KCNH7: variants seen among roughly 807,000 people sequenced by gnomAD.
The protein encoded by KCNH7 is potassium voltage-gated channel subfamily H member 7.
A neutral mutation model predicts 120.8 loss-of-function variants in KCNH7; 49 were observed. The ratio of observed to expected loss-of-function variants is 0.41; its 90% CI spans 0.32 to 0.51. The LOEUF is 0.51. Among genes scored for constraint, KCNH7 ranks in the 20% least tolerant of loss-of-function variants. The probability of loss-of-function intolerance (pLI) is 0.38; values close to 1 mark genes in which losing one functional copy is unlikely to be tolerated. For missense variants in KCNH7, 1,097 were observed against 1,446.6 expected (o/e 0.76, Z 3.92); for synonymous variants, 547 against 516.1 (o/e 1.06, Z -0.81).
chr2:162,427,230 A>G (rs114200087), intron 8 of KCNH7, among the ~76,000 whole-genome samples: 2,006 of 152,114 alleles, frequency 0.013, 49 homozygotes, highest in African/African-American at 0.046. Flanking sequence ...TTTCCCTTTT[A>G]AACACCTAAG....
intron 7 of KCNH7, among the ~76,000 whole-genome samples, chr2:162,437,713 T>G (rs947904366): frequency 2.6e-5 from 4 of 152,156 alleles, no homozygotes; most frequent in Admixed American, 2.6e-4. Flanking sequence ...AGGAACTCTA[T>G]GTTTCTATTT....
intron 12 of KCNH7, among the ~76,000 whole-genome samples, chr2:162,389,712 AAT>A (rs761214248): frequency 3.3e-5 from 5 of 152,098 alleles, no homozygotes; most frequent in African/African-American, 7.2e-5. Flanking sequence ...CAATAAAACC[AAT>A]AGAGTAAAAA....
At chr2:162,776,566 A>G (rs1422826650) in intron 2 of KCNH7, among the ~76,000 whole-genome samples, 2 of 152,062 alleles carry the variant, frequency 1.3e-5, no homozygotes, top group African/African-American at 4.8e-5. Flanking sequence ...GAGAAAGGAG[A>G]AAGAGGAGCT....
chr2:162,492,854 T>C (rs1348558070), intron 6 of KCNH7, among the ~76,000 whole-genome samples: 1 of 144,540 alleles, frequency 6.9e-6, no homozygotes, highest in Non-Finnish European at 1.5e-5. Flanking sequence ...GTTTTTCTCT[T>C]CTTGGATCTT....
chr2:162,510,726 A>T (rs1202699705), intron 5 of KCNH7, among the ~76,000 whole-genome samples: 4 of 151,608 alleles, frequency 2.6e-5, no homozygotes, highest in Non-Finnish European at 4.4e-5. Context: ...TTAGTTTTTT[A>T]TTTAGATCTG....
intron 7 of KCNH7, among the ~76,000 whole-genome samples, chr2:162,439,537 G>C (rs1688356516): frequency 6.6e-6 from 1 of 152,052 alleles, no homozygotes; most frequent in Non-Finnish European, 1.5e-5. Context: ...TATTTATTGT[G>C]ATTGAATAAT....
At chr2:162,557,197 G>A (rs207462605) in intron 2 of KCNH7, among the ~76,000 whole-genome samples, 3 of 152,162 alleles carry the variant, frequency 2.0e-5, no homozygotes, top group Non-Finnish European at 4.4e-5. Context: ...ATGGCTGGCT[G>A]CCATAGCTGG....
At chr2:162,513,279 CTCCTTCCCTCCT>C (rs1691151365) in intron 4 of KCNH7, among the ~76,000 whole-genome samples, 1 of 131,656 alleles carries the variant, frequency 7.6e-6, no homozygotes, top group Non-Finnish European at 1.6e-5. Flanking sequence ...CCCTCCTTCC[CTCCTTCCCTCCT>C]TCCTTCCCTC....
At chr2:162,481,533 G>A (rs888455723) in intron 6 of KCNH7, among the ~76,000 whole-genome samples, 4 of 152,156 alleles carry the variant, frequency 2.6e-5, no homozygotes, top group African/African-American at 7.2e-5. Flanking sequence ...TATCTAAGAT[G>A]TTCTATCCAG....
chr2:162,385,574 T>C (rs1558919392), intron 12 of KCNH7, among the ~76,000 whole-genome samples: 1 of 151,948 alleles, frequency 6.6e-6, no homozygotes, highest in Non-Finnish European at 1.5e-5. Flanking sequence ...TTGGCTGTTT[T>C]ATACTGAAAT....
At chr2:162,702,128 T>C (rs903845430) in intron 2 of KCNH7, among the ~76,000 whole-genome samples, 2 of 152,166 alleles carry the variant, frequency 1.3e-5, no homozygotes, top group African/African-American at 4.8e-5. Context: ...TTTCAAAATA[T>C]TCGGTCCTTT....
intron 2 of KCNH7, among the ~76,000 whole-genome samples, chr2:162,822,139 TGCTAA>T: frequency 1.3e-5 from 1 of 79,330 alleles, no homozygotes; most frequent in East Asian, 3.8e-4. Flanking sequence ...CAAAAACCGC[TGCTAA>T]TTTCTTCTTT....
chr2:162,634,098 G>A (rs1683859168), intron 2 of KCNH7, among the ~76,000 whole-genome samples: 1 of 151,964 alleles, frequency 6.6e-6, no homozygotes, highest in Admixed American at 6.6e-5. Context: ...GATGTTTTCT[G>A]TTCATCATAT....
At chr2:162,531,995 T>C (rs1691940469) in intron 3 of KCNH7, among the ~76,000 whole-genome samples, 1 of 152,094 alleles carries the variant, frequency 6.6e-6, no homozygotes. Flanking sequence ...AGTTTTGTGA[T>C]AAGGCTTCCA....
intron 2 of KCNH7, among the ~76,000 whole-genome samples, chr2:162,716,087 A>C (rs2105365910): frequency 6.6e-6 from 1 of 152,214 alleles, no homozygotes; most frequent in Admixed American, 6.5e-5. Context: ...TTATTCTAAA[A>C]GTTTCAAAAT....
chr2:162,640,767 C>T (rs1360571860), intron 2 of KCNH7, among the ~76,000 whole-genome samples: 1 of 151,962 alleles, frequency 6.6e-6, no homozygotes, highest in South Asian at 2.1e-4. Context: ...AGAAAATATT[C>T]GCAATGACAT....
At chr2:162,787,729 C>T (rs1683764541) in intron 2 of KCNH7, among the ~76,000 whole-genome samples, 1 of 152,094 alleles carries the variant, frequency 6.6e-6, no homozygotes, top group African/African-American at 2.4e-5. Flanking sequence ...AGTTCAGATG[C>T]TATATACTCA....
intron 2 of KCNH7, among the ~76,000 whole-genome samples, chr2:162,752,207 T>G (rs940789115): frequency 1.3e-5 from 2 of 152,144 alleles, no homozygotes; most frequent in Non-Finnish European, 2.9e-5. Context: ...TTAGCCTAGG[T>G]CAGAGACTTA....
intron 2 of KCNH7, among the ~76,000 whole-genome samples, chr2:162,639,455 A>G (rs895622005): frequency 6.6e-6 from 1 of 152,126 alleles, no homozygotes; most frequent in Non-Finnish European, 1.5e-5. Context: ...CTAGAAATGG[A>G]TCGAGTGAGG....
Sources: gnomAD v4.1 joint callset for allele counts (sites outside exome capture counted in the v4.1 genomes callset) on GRCh38, gnomAD v4.1.1 for gene constraint, MANE v1.5 for transcripts, NCBI Gene and HGNC (gene_info 2026-07-23, HGNC 2026-07-21) for gene names.